FAM184B: variants seen among roughly 807,000 people sequenced by gnomAD.
The protein encoded by FAM184B is family with sequence similarity 184 member B, also known as protein FAM184B.
Under a neutral mutation model 135.9 loss-of-function variants are expected in FAM184B, and 111 were observed. The ratio of observed to expected loss-of-function variants is 0.82; its 90% CI spans 0.70 to 0.96. The LOEUF (loss-of-function observed/expected upper bound fraction) is 0.96, where lower values mean the gene tolerates loss of function less well. Among genes scored for constraint, FAM184B ranks in the 40% least tolerant of loss-of-function variants. FAM184B has a pLI of 0.00. For synonymous variants in FAM184B, 552 were observed against 524.8 expected (o/e 1.05, Z -0.71); for missense variants, 1,375 against 1,323.9 (o/e 1.04, Z -0.60).
intron 1 of FAM184B, among the ~76,000 whole-genome samples, chr4:17,721,375 TTC>T (rs1392786748): frequency 1.5e-4 from 2 of 13,482 alleles, no homozygotes; most frequent in Non-Finnish European, 3.1e-4. Context: ...CAGAGAAAGA[TTC>T]TGTCTCAAAA....
chr4:17,637,307 G>T lies in FAM184B; in HGVS notation c.2667-662C>A, dbSNP rs374651343. ...CTCCCAAAGTGCTGGGATTACAGGC[G>T]TGGGCCACCGCGCCCGGCCCCCACT... On this transcript the variant is annotated intron_variant, in intron 14 of 17. Coordinates refer to ENST00000265018, the MANE Select transcript of FAM184B (RefSeq NM_015688.2). 4.6e-5 allele frequency among the ~76,000 whole-genome samples: 7 copies of T among 152,288 alleles called. No homozygotes were observed. In the East Asian group the frequency reaches 1.2e-3, roughly 25 times the overall value.
chr4:17,680,983 G>A (rs1486962266), intron 7 of FAM184B, among the ~76,000 whole-genome samples: 4 of 152,184 alleles, frequency 2.6e-5, no homozygotes, highest in Non-Finnish European at 5.9e-5. Flanking sequence ...ACGTAATGGA[G>A]TTTTGCTGAA....
Position 17,688,464 on chromosome 4 carries a change from TGGGG to T in FAM184B, c.1552_1555del (p.Pro518ArgfsTer3). The T allele has an allele frequency of 6.4e-7, 1 of 1,551,310 alleles. No homozygotes were observed. The highest frequency in any genetic ancestry group is 1.4e-5 in the African/African-American group (1 of 73,104). ...GCTGCAGTGCTGGCGGCCTAATTCC[TGGGG>T]ACTTTCCTCAGCTCCTGTGGGGCGT... On this transcript the variant is annotated frameshift_variant, in exon 7 of 18. Coordinates refer to ENST00000265018, the MANE Select transcript of FAM184B (RefSeq NM_015688.2). LOFTEE classifies it high-confidence loss of function.
At chr4:17,663,089 C>A (rs761505707) in intron 8 of FAM184B, among the ~76,000 whole-genome samples, 5 of 152,194 alleles carry the variant, frequency 3.3e-5, no homozygotes, top group Non-Finnish European at 7.3e-5. Context: ...GCATGTGCCA[C>A]CACGCTCAGC....
intron 1 of FAM184B, among the ~76,000 whole-genome samples, chr4:17,714,848 A>T (rs1372569382): frequency 2.6e-5 from 4 of 152,136 alleles, no homozygotes; most frequent in Admixed American, 1.3e-4. Flanking sequence ...GCACTTTGGC[A>T]TGTTCACATG....
intron 5 of FAM184B, among the ~76,000 whole-genome samples, chr4:17,695,741 G>A (rs1303988750): frequency 1.3e-5 from 2 of 152,142 alleles, no homozygotes; most frequent in Non-Finnish European, 2.9e-5. Context: ...TGGATTCAGG[G>A]ACCATCTGAG....
chr4:17,732,771 G>T (rs1038484491), intron 1 of FAM184B, among the ~76,000 whole-genome samples: 1 of 152,146 alleles, frequency 6.6e-6, no homozygotes, highest in Non-Finnish European at 1.5e-5. Flanking sequence ...GGAGGAGCTG[G>T]TACGATTCCT....
intron 14 of FAM184B, among the ~76,000 whole-genome samples, chr4:17,636,897 C>T (rs79382437): frequency 0.024 from 3,648 of 152,246 alleles, 138 homozygotes; most frequent in African/African-American, 0.083. Flanking sequence ...CTGCACTCAG[C>T]GGGGCTTCAA....
intron 7 of FAM184B, among the ~76,000 whole-genome samples, chr4:17,682,060 A>G (rs1716454398): frequency 6.6e-6 from 1 of 152,130 alleles, no homozygotes; most frequent in South Asian, 2.1e-4. Flanking sequence ...TTGTATAGTG[A>G]TGGTACTCAG....
Position 17,705,825 on chromosome 4 carries a change from C to T in FAM184B, c.1097G>A (p.Gly366Asp). The T allele has an allele frequency of 6.4e-7, 1 of 1,552,088 alleles. No homozygotes were observed. The highest frequency in any genetic ancestry group is 1.2e-5 in the South Asian group (1 of 84,058). Residue 366 changes from glycine to aspartate, a missense_variant, in exon 4 of 18, where the codon GGC (glycine) becomes GAC (aspartate). By Grantham distance (94) the Gly-to-Asp change is moderately conservative (BLOSUM62 -1). Coordinates refer to ENST00000265018, the MANE Select transcript of FAM184B (RefSeq NM_015688.2). ...TTGATCCTGCTGAGGATGAAGATTG[C>T]CGGCTTCCAAGTCATTCTCTTCCCG... is the stretch of plus-strand genomic sequence containing the variant. Reference protein sequence around the residue: ...VLREENDLEAGNLHPQQDQSC... With the variant: ...VLREENDLEADNLHPQQDQSC...
chr4:17,655,052 C>T (rs1715750511), intron 10 of FAM184B, among the ~76,000 whole-genome samples: 1 of 152,066 alleles, frequency 6.6e-6, no homozygotes, highest in African/African-American at 2.4e-5. Context: ...CCCTATGTTG[C>T]CCAGGCTAAC....
chr4:17,657,655 C>CTTT (rs58666074), intron 10 of FAM184B, among the ~76,000 whole-genome samples: 57,336 of 114,200 alleles, frequency 0.5, 16,535 homozygotes, highest in East Asian at 0.84. Context: ...CTGAGCTGTT[C>CTTT]TTTTTTTTTT....
chr4:17,635,910 A>G (rs1001611069), intron 15 of FAM184B, among the ~76,000 whole-genome samples: 2 of 152,178 alleles, frequency 1.3e-5, no homozygotes, highest in Non-Finnish European at 2.9e-5. Flanking sequence ...TTTTACAAAA[A>G]GAAGATCAAC....
intron 12 of FAM184B, among the ~76,000 whole-genome samples, chr4:17,646,913 G>C (rs984992940): frequency 2.0e-5 from 3 of 152,064 alleles, no homozygotes; most frequent in African/African-American, 7.2e-5. Context: ...AGGAAAGAGA[G>C]TTGGCACTGA....
Position 17,635,047 on chromosome 4 carries a change from AAGAG to A in FAM184B, c.2847_2850del (p.Phe951IlefsTer7), listed in dbSNP as rs780919796. The stretch of plus-strand genomic sequence containing the variant: ...GTCAAATATCCCGGGTGAGGATTGA[AAGAG>A]AAAGACCGATTCCGGTGGGACATGG... On this transcript the variant is annotated frameshift_variant, in exon 16 of 18. Transcript: ENST00000265018. LOFTEE classifies it high-confidence loss of function. The A allele has an allele frequency of 1.2e-5, 19 of 1,551,960 alleles. No homozygotes were observed. In the Admixed American group the frequency reaches 2.0e-4, roughly 16 times the overall value.
At chr4:17,730,422 A>G (rs1717749929) in intron 1 of FAM184B, among the ~76,000 whole-genome samples, 1 of 152,148 alleles carries the variant, frequency 6.6e-6, no homozygotes, top group Non-Finnish European at 1.5e-5. Context: ...GAACGCCACA[A>G]AGATACTCCT....
rs1403089498 is a variant in FAM184B, at chr4:17,708,919, G to A, written c.867C>T (p.Tyr289=). 7.2e-6 allele frequency: 11 copies of A among 1,531,480 alleles called. No individual in the cohort carries two copies. In the East Asian group the frequency reaches 7.4e-5, roughly 10 times the overall value. 94.9% of individuals were successfully genotyped at this position (1,531,480 alleles called of 1,614,324 possible). ...GAATCCTCTCCTTCAGCTTCTGGGC[G>A]TACTTCTTCAGGTCACTTATCTTGC... ...RGRKISDLKK[Y]AQKLKERIQD... The change falls in exon 2 of 18, where the codon TAC becomes TAT. Residue 289 remains tyrosine, a synonymous_variant. Transcript: ENST00000265018.
rs1717195412 is a variant in FAM184B, at chr4:17,709,357, T to C, written c.429A>G (p.Arg143=). The change falls in exon 2 of 18, where the codon CGA becomes CGG. Residue 143 remains arginine (R), a synonymous_variant. Transcript: ENST00000265018. ...ELRVEAEHAE[R]VLTLSREMLE... ...GCATTTCCCTGGAGAGCGTGAGGAC[T>C]CGCTCGGCGTGCTCTGCCTCCACCC... The C allele has an allele frequency of 6.5e-7, 1 of 1,546,794 alleles. No homozygotes were observed. Among genetic ancestry groups the C allele is most frequent in the African/African-American group, 1.4e-5 (1 of 72,966 alleles).
At chr4:17,767,598 G>A (rs1352993427) in intron 1 of FAM184B, among the ~76,000 whole-genome samples, 2 of 152,148 alleles carry the variant, frequency 1.3e-5, no homozygotes, top group African/African-American at 4.8e-5. Flanking sequence ...ATGGGAGAAA[G>A]TACAAATGCA....
Sources: gnomAD v4.1 joint callset for allele counts (sites outside exome capture counted in the v4.1 genomes callset) on GRCh38, gnomAD v4.1.1 for gene constraint, MANE v1.5 for transcripts, NCBI Gene and HGNC (gene_info 2026-07-23, HGNC 2026-07-21) for gene names.